Variants in WWP2 observed in about 807,000 individuals in gnomAD.
WWP2 encodes WW domain containing E3 ubiquitin protein ligase 2, also known as NEDD4-like E3 ubiquitin-protein ligase WWP2.
Under a neutral mutation model 121.0 loss-of-function variants are expected in WWP2, and 57 were observed. The observed-to-expected ratio is 0.47, with a 90% CI of 0.38 to 0.59. The LOEUF is 0.59. Among genes scored for constraint, WWP2 ranks in the 20% least tolerant of loss-of-function variants. WWP2 has a pLI of 0.00. For missense variants in WWP2, 962 were observed against 1,158.9 expected, an observed-to-expected ratio of 0.83 and a Z score of 2.47; for synonymous variants, 449 against 441.3, an observed-to-expected ratio of 1.02 and a Z score of -0.22.
chr16:69,774,445 C>T (rs753199202), intron 1 of WWP2, among the ~76,000 whole-genome samples: 3 of 152,044 alleles, frequency 2.0e-5, no homozygotes, highest in Admixed American at 6.6e-5. Flanking sequence ...TTTGTTGAGA[C>T]GAGGTTTTGC....
intron 4 of WWP2, among the ~76,000 whole-genome samples, chr16:69,822,983 A>G (rs1195824627): frequency 1.3e-5 from 2 of 152,180 alleles, no homozygotes; most frequent in African/African-American, 4.8e-5. Context: ...CTAAAAGTAC[A>G]AAAATTAGCC....
intron 16 of WWP2, among the ~76,000 whole-genome samples, chr16:69,932,662 A>G (rs953157993): frequency 2.0e-5 from 3 of 152,174 alleles, no homozygotes; most frequent in Non-Finnish European, 4.4e-5. Context: ...CCGTGTGGAT[A>G]AGCTGTGTCA....
chr16:69,892,960 A>G lies in WWP2; in HGVS notation c.914+4711A>G, dbSNP rs910187867. 2.6e-5 allele frequency among the ~76,000 whole-genome samples: 4 copies of G among 152,362 alleles called. No homozygotes were observed. The South Asian group carries it at 8.3e-4, about 32-fold the overall frequency. On this transcript the variant is annotated intron_variant, in intron 8 of 23. Coordinates refer to ENST00000359154, the MANE Select transcript of WWP2 (RefSeq NM_001270454.2). ...AATAAGGCCTAAAAAGGCCTGTGTA[A>G]TATGACCCCACCTACCCTTCAAGCC...
Position 69,929,539 on chromosome 16 carries a change from TG to T in WWP2, c.1316+13del, listed in dbSNP as rs759480193. 1.2e-6 allele frequency: 2 copies of T among 1,613,690 alleles called. No homozygotes were observed. Among genetic ancestry groups the T allele is most frequent in the South Asian group, 2.2e-5 (2 of 91,070 alleles). ...ATCCCCGGACCCAGGGGTAAGGACT[TG>T]GGCTGAGAGGGGGGCCGGGCTGGGC... On this transcript the variant is annotated intron_variant, in intron 12 of 23. Transcript: ENST00000359154.
intron 11 of WWP2, among the ~76,000 whole-genome samples, chr16:69,927,904 C>A (rs929205536): frequency 2.0e-5 from 3 of 152,234 alleles, no homozygotes; most frequent in African/African-American, 7.2e-5. Flanking sequence ...TCGAGCGATC[C>A]TCCTGCCTCA....
At chr16:69,790,273 C>T (rs2055880612) in intron 2 of WWP2, among the ~76,000 whole-genome samples, 2 of 151,988 alleles carry the variant, frequency 1.3e-5, no homozygotes, top group African/African-American at 4.8e-5. Flanking sequence ...AAAAGAGAAA[C>T]AGTTGATTAA....
At chr16:69,776,771 T>G (rs1330456528) in intron 1 of WWP2, among the ~76,000 whole-genome samples, 4 of 151,292 alleles carry the variant, frequency 2.6e-5, no homozygotes, top group African/African-American at 9.7e-5. Flanking sequence ...GAGGTTGTGG[T>G]GAGCCGAGAT....
In WWP2 at chr16:69,936,464, G is replaced by A. The variant is rs114457970; in HGVS notation, c.2117+12G>A. On this transcript the variant is annotated intron_variant, in intron 19 of 23. Coordinates refer to ENST00000359154, the MANE Select transcript of WWP2 (RefSeq NM_001270454.2). Reference sequence around the variant, plus strand: ...GAAGAGTACATCATGTGAGTCTCAGGCGCCGGGGGCTCCGCTCCAGGGGTG... The same window carrying A: ...GAAGAGTACATCATGTGAGTCTCAGACGCCGGGGGCTCCGCTCCAGGGGTG... The A allele has an allele frequency of 1.5e-3, 2,373 of 1,613,834 alleles. 22 individuals are homozygous for A. The African/African-American group carries it at 0.019, about 13-fold the overall frequency.
At chr16:69,913,485 G>C (rs1052307025) in intron 9 of WWP2, among the ~76,000 whole-genome samples, 1 of 151,940 alleles carries the variant, frequency 6.6e-6, no homozygotes, top group African/African-American at 2.4e-5. Flanking sequence ...CTGGGTGACA[G>C]AGCAAGACCC....
chr16:69,842,692 T>G (rs894723060), intron 6 of WWP2, among the ~76,000 whole-genome samples: 2 of 152,204 alleles, frequency 1.3e-5, no homozygotes, highest in East Asian at 3.8e-4. Context: ...TTTTTTGATA[T>G]GGGGTCTTGC....
At chr16:69,876,329 G>GT (rs1249416392) in intron 7 of WWP2, among the ~76,000 whole-genome samples, 2 of 148,344 alleles carry the variant, frequency 1.3e-5, no homozygotes, top group East Asian at 4.0e-4. Context: ...AATGTATTTG[G>GT]TTTTTTTGGG....
chr16:69,937,132 G>A lies in WWP2; in HGVS notation c.2132G>A (p.Trp711Ter). ...TTTGGTCTCAGGCTGCTGACTGACTGGCGTTTCACCCGAGGCGTGGAAGAG... is the reference window on the plus strand; with the variant it reads ...TTTGGTCTCAGGCTGCTGACTGACTAGCGTTTCACCCGAGGCGTGGAAGAG... ...KEEYIMLLTD[W>*]RFTRGVEEQT... Residue 711 changes from tryptophan to a stop codon, truncating the protein, a stop_gained, in exon 20 of 24, where the codon TGG becomes TAG. Coordinates refer to ENST00000359154, the MANE Select transcript of WWP2 (RefSeq NM_001270454.2). LOFTEE classifies it high-confidence loss of function. This position sits in a 1 kb window ranked among gnomAD's most constrained non-coding sequence, Gnocchi z 6.6. 1 of 1,613,988 alleles carries A rather than the reference G, an allele frequency of 6.2e-7. No individual in the cohort carries two copies. Among genetic ancestry groups the A allele is most frequent in the Non-Finnish European group, 8.5e-7 (1 of 1,179,938 alleles).
intron 8 of WWP2, among the ~76,000 whole-genome samples, chr16:69,894,736 G>A (rs11642008): frequency 0.53 from 79,999 of 151,968 alleles, 21,682 homozygotes; most frequent in East Asian, 0.9. Flanking sequence ...TTTTCTCAGC[G>A]CTCAGCCCAC....
chr16:69,805,366 ACT>A (rs1234405874), intron 4 of WWP2, among the ~76,000 whole-genome samples: 4 of 152,038 alleles, frequency 2.6e-5, no homozygotes, highest in Non-Finnish European at 4.4e-5. Flanking sequence ...GGGTTGTGAC[ACT>A]GATAATTTTG....
chr16:69,924,284 G>C (rs1344488301), intron 10 of WWP2, among the ~76,000 whole-genome samples: 1 of 152,168 alleles, frequency 6.6e-6, no homozygotes, highest in Admixed American at 6.5e-5. Flanking sequence ...GTTTTCTCAA[G>C]CCGACACTGA....
At chr16:69,818,527 C>T (rs1486437172) in intron 4 of WWP2, among the ~76,000 whole-genome samples, 2 of 152,150 alleles carry the variant, frequency 1.3e-5, no homozygotes, top group Non-Finnish European at 2.9e-5. Flanking sequence ...CTTGAGGAAC[C>T]TCCAGTGAGG....
In WWP2 at chr16:69,845,786, A is replaced by C. The variant is rs181851059; in HGVS notation, c.575+3666A>C. ...AGATGAAGCCTGGGCGTGGTGGCTC[A>C]TGCCTGTAATCCCAGCACTTTGGGA... is the stretch of plus-strand genomic sequence containing the variant. On this transcript the variant is annotated intron_variant, in intron 6 of 23. Coordinates refer to ENST00000359154, the MANE Select transcript of WWP2 (RefSeq NM_001270454.2). Among the ~76,000 whole-genome samples, 38 of 152,176 alleles carry C rather than the reference A, an allele frequency of 2.5e-4. No homozygotes were observed. In the East Asian group the frequency reaches 6.8e-3, roughly 27 times the overall value.
chr16:69,771,507 A>G (rs1320518190), intron 1 of WWP2, among the ~76,000 whole-genome samples: 1 of 152,146 alleles, frequency 6.6e-6, no homozygotes, highest in African/African-American at 2.4e-5. Flanking sequence ...TGGGCCTCCT[A>G]AAGTGCTGGG....
At chr16:69,885,144 C>CACACACACACACA (rs766923825) in intron 7 of WWP2, among the ~76,000 whole-genome samples, 38 of 149,354 alleles carry the variant, frequency 2.5e-4, no homozygotes, top group Non-Finnish European at 3.3e-4. Context: ...CACACACATT[C>CACACACACACACA]TTCTTCTTTA....
Sources: allele counts gnomAD v4.1 joint callset (sites outside exome capture counted in the v4.1 genomes callset), GRCh38; gene constraint gnomAD v4.1.1; non-coding constraint Gnocchi (gnomAD v3.1); transcripts MANE v1.5; gene names NCBI Gene and HGNC (gene_info 2026-07-23, HGNC 2026-07-21).